The following TXNDC12 variants were observed in gnomAD, a reference collection of about 807,000 sequenced individuals.
TXNDC12 encodes the protein thioredoxin domain-containing protein 12.
TXNDC12 carries 22 observed loss-of-function variants against 24.2 expected under a neutral mutation model. The observed-to-expected ratio is 0.91, with a 90% confidence interval of 0.65 to 1.30. The LOEUF is 1.30. TXNDC12 is among the 50% of genes most tolerant of loss of function. TXNDC12 has a pLI of 0.00. For synonymous variants in TXNDC12, 58 were observed against 73.4 expected (o/e 0.79, Z 1.07); for missense variants, 184 against 205.8 (o/e 0.89, Z 0.65).
intron 1 of TXNDC12, among the ~76,000 whole-genome samples, chr1:52,050,520 T>C (rs1055081594): frequency 6.6e-6 from 1 of 152,230 alleles, no homozygotes; most frequent in Non-Finnish European, 1.5e-5. Flanking sequence ...TTTTAATGAA[T>C]GTAAGCTAAA....
chr1:52,027,767 ATATAT>A lies in TXNDC12; in HGVS notation c.212-424_212-420del, dbSNP rs967527050. ...TATATACATATATACATATATACGT[ATATAT>A]TATATGTTATATATGTTATGTATAT... On this transcript the variant is annotated intron_variant, in intron 3 of 6. Transcript: ENST00000371626. 2.3e-4 allele frequency among the ~76,000 whole-genome samples: 35 copies of A among 149,140 alleles called. 1 individual carries two copies. The highest frequency in any genetic ancestry group is 5.8e-4 in the East Asian group (3 of 5,140).
At chr1:52,044,258 G>C (rs1328302531) in intron 1 of TXNDC12, 1 of 152,198 alleles carries the variant, frequency 6.6e-6, no homozygotes, top group African/African-American at 2.4e-5. Context: ...AAACCTATGA[G>C]CAACAAGCAA....
chr1:52,041,636 C>G, intron 1 of TXNDC12, 39 bp from the exon 2 acceptor site: 1 of 1,385,826 alleles, frequency 7.2e-7, no homozygotes, highest in South Asian at 1.2e-5. Context: ...ACATAATGAA[C>G]AAAGGGCACA....
At chr1:52,053,617 T>C (rs1686263185) in intron 1 of TXNDC12, among the ~76,000 whole-genome samples, 1 of 152,062 alleles carries the variant, frequency 6.6e-6, no homozygotes, top group African/African-American at 2.4e-5. Context: ...TGAGCCAAGA[T>C]CATGCCACTG....
chr1:52,031,858 T>C (rs544195076), intron 2 of TXNDC12, among the ~76,000 whole-genome samples: 1 of 152,344 alleles, frequency 6.6e-6, no homozygotes, highest in East Asian at 1.9e-4. Context: ...AGTAGGTACC[T>C]ACCATTTGTT....
chr1:52,055,224 T>C, upstream of TXNDC12: 1 of 664,770 alleles, frequency 1.5e-6, no homozygotes, highest in East Asian at 2.8e-5. Context: ...TTTTTCAAAC[T>C]CTGAAGGAAG....
chr1:52,033,049 G>A lies in TXNDC12; in HGVS notation c.159-4419C>T, dbSNP rs79423354. On this transcript the variant is annotated intron_variant, in intron 2 of 6. Transcript: ENST00000371626. Reference sequence around the variant, plus strand: ...AGAGCGGATCCCCGCCAGGGGCAACGGCTCCTCTAGGCCCACCAAAGTGAA... The same window carrying A: ...AGAGCGGATCCCCGCCAGGGGCAACAGCTCCTCTAGGCCCACCAAAGTGAA... 12 of 1,580,676 alleles carry A rather than the reference G, an allele frequency of 7.6e-6. No individual in the cohort carries two copies. The East Asian group carries it at 1.3e-4, about 18-fold the overall frequency.
chr1:52,029,355 T>C (rs1685719924), intron 2 of TXNDC12, among the ~76,000 whole-genome samples: 1 of 152,164 alleles, frequency 6.6e-6, no homozygotes. Flanking sequence ...TTACACTACA[T>C]CTGTATTTCA....
chr1:52,020,627 G>A lies in TXNDC12; in HGVS notation c.*306C>T, dbSNP rs865793191. The A allele has an allele frequency of 5.6e-5, 20 of 359,924 alleles. No homozygotes were observed. Among genetic ancestry groups the A allele is most frequent in the Middle Eastern group, 1.5e-3 (2 of 1,318 alleles). 22.3% of individuals were successfully genotyped at this position (359,924 alleles called of 1,614,324 possible). On this transcript the variant is annotated 3_prime_UTR_variant, in exon 7 of 7. Coordinates refer to ENST00000371626, the MANE Select transcript of TXNDC12 (RefSeq NM_015913.4). The stretch of plus-strand genomic sequence containing the variant: ...GGAAAAGACTCAAATACTTAAGTGC[G>A]AGGAGTAAACATCCAAGTGGCTCAA...
Position 52,020,379 on chromosome 1 carries a change from T to C in TXNDC12, c.*554A>G, listed in dbSNP as rs947965331. On this transcript the variant is annotated 3_prime_UTR_variant, in exon 7 of 7. Transcript: ENST00000371626. ...AAGCATGAGAAGAGGAAAGAGGCTG[T>C]AGAAATTTGGGAAGAAGCCCACAAT... The C allele has an allele frequency of 4.3e-5, 14 of 322,380 alleles. No individual in the cohort carries two copies. Among genetic ancestry groups the C allele is most frequent in the Non-Finnish European group, 6.7e-5 (11 of 164,584 alleles). 20.0% of individuals were successfully genotyped at this position (322,380 alleles called of 1,614,324 possible). A position where few individuals can be genotyped will look rare whatever the true frequency, so the allele number is the denominator to read the frequency against.
At chr1:52,024,770 C>T (rs1685650089) in intron 4 of TXNDC12, 191 bp from the exon 5 acceptor site, 2 of 527,556 alleles carry the variant, frequency 3.8e-6, no homozygotes, top group Non-Finnish European at 6.8e-6. Flanking sequence ...TTCAGCTACA[C>T]TGACCTCTTG....
intron 2 of TXNDC12, chr1:52,032,881 G>C (rs746137002): frequency 1.2e-6 from 2 of 1,613,960 alleles, no homozygotes; most frequent in South Asian, 1.1e-5. Context: ...CAAGTCCCCG[G>C]GGACAGCGCT....
At chr1:52,046,862 A>T (rs907131238) in intron 1 of TXNDC12, among the ~76,000 whole-genome samples, 12 of 109,766 alleles carry the variant, frequency 1.1e-4, no homozygotes, top group Admixed American at 1.7e-4. Flanking sequence ...CTAAAAAAAA[A>T]AAAAATATAT....
intron 2 of TXNDC12, among the ~76,000 whole-genome samples, chr1:52,036,299 GTTA>G (rs1685882051): frequency 6.6e-6 from 1 of 152,060 alleles, no homozygotes. Context: ...AAAAGAAAAT[GTTA>G]TTAAGAAAAT....
intron 2 of TXNDC12, chr1:52,032,777 T>G: frequency 6.2e-7 from 1 of 1,614,112 alleles, no homozygotes; most frequent in South Asian, 1.1e-5. Flanking sequence ...TGCATTTTAG[T>G]GTACGAAATA....
At chr1:52,047,728 C>T (rs566741447) in intron 1 of TXNDC12, among the ~76,000 whole-genome samples, 4 of 149,650 alleles carry the variant, frequency 2.7e-5, no homozygotes, top group South Asian at 2.2e-4. Context: ...CAGGATGAGA[C>T]TCTATCTCTA....
intron 2 of TXNDC12, among the ~76,000 whole-genome samples, chr1:52,030,863 A>G (rs987708002): frequency 6.6e-6 from 1 of 152,188 alleles, no homozygotes; most frequent in Non-Finnish European, 1.5e-5. Flanking sequence ...CTCCTTTGTG[A>G]TATGTTAAAA....
chr1:52,027,739 T>C (rs559543048), intron 3 of TXNDC12, among the ~76,000 whole-genome samples: 1 of 149,242 alleles, frequency 6.7e-6, no homozygotes, highest in East Asian at 2.1e-4. Flanking sequence ...TGTATATATG[T>C]TATATATACA....
chr1:52,046,862 AAAAAATAT>A (rs1361407980), intron 1 of TXNDC12, among the ~76,000 whole-genome samples: 54 of 109,678 alleles, frequency 4.9e-4, no homozygotes, highest in South Asian at 1.5e-3. Flanking sequence ...CTAAAAAAAA[AAAAAATAT>A]ATATATATAT....
Sources: allele counts gnomAD v4.1 joint callset (sites outside exome capture counted in the v4.1 genomes callset), GRCh38; gene constraint gnomAD v4.1.1; transcripts MANE v1.5; gene names NCBI Gene and HGNC (gene_info 2026-07-23, HGNC 2026-07-21).